Variants in COL4A4 observed in about 807,000 individuals in gnomAD.
COL4A4 encodes the protein collagen alpha-4(IV) chain.
Under a neutral mutation model 192.9 loss-of-function variants are expected in COL4A4, and 105 were observed. The ratio of observed to expected loss-of-function variants is 0.54; its 90% confidence interval spans 0.46 to 0.64. The LOEUF (loss-of-function observed/expected upper bound fraction) is 0.64. Among genes scored for constraint, COL4A4 ranks in the 30% least tolerant of loss-of-function variants. The pLI is 0.00. For synonymous variants in COL4A4, 762 were observed against 769.9 expected (o/e 0.99, Z 0.17); for missense variants, 1,967 against 2,169.3 (o/e 0.91, Z 1.85).
chr2:227,047,342 C>A lies in COL4A4; in HGVS notation c.3289+133G>T, dbSNP rs1576097370. On this transcript the variant is annotated intron_variant, in intron 35 of 47. Coordinates refer to ENST00000396625, the MANE Select transcript of COL4A4 (RefSeq NM_000092.5). ...TGCTATGGAAGTGTTTATATATAAC[C>A]CGTTTTATCTATACCTTAATGCACA... is the stretch of plus-strand genomic sequence containing the variant. 1.7e-5 allele frequency: 12 copies of A among 714,832 alleles called. No individual in the cohort carries two copies. The East Asian group carries it at 3.3e-4, about 19-fold the overall frequency. 44.3% of individuals were successfully genotyped at this position (714,832 alleles called of 1,614,324 possible). A position where few individuals can be genotyped will look rare whatever the true frequency, so the allele number is the denominator to read the frequency against.
In COL4A4 at chr2:227,147,555, AG is replaced by A; in HGVS notation, c.-73del. The A allele has an allele frequency of 7.3e-7, 1 of 1,366,616 alleles. No individual in the cohort carries two copies. The highest frequency in any genetic ancestry group is 1.2e-5 in the South Asian group (1 of 86,176). The allele number at this position is 1,366,616 out of a possible 1,614,324, so 84.7% of individuals were successfully genotyped here. ...TCCAGAAGGTTCTTGTTGACAAGTG[AG>A]GTTCTGTGTTCTGGGTCAAAGTCTG... On this transcript the variant is annotated 5_prime_UTR_variant, in exon 2 of 48. Transcript: ENST00000396625.
chr2:227,112,872 GT>G (rs2061296965), intron 8 of COL4A4, among the ~76,000 whole-genome samples: 1 of 152,156 alleles, frequency 6.6e-6, no homozygotes, highest in Non-Finnish European at 1.5e-5. Flanking sequence ...GTTCATCCAT[GT>G]TGTTGTATGT....
intron 24 of COL4A4, among the ~76,000 whole-genome samples, chr2:227,078,778 C>A (rs1392425479): frequency 6.6e-6 from 1 of 152,214 alleles, no homozygotes; most frequent in Non-Finnish European, 1.5e-5. Flanking sequence ...ACTCCATCAT[C>A]CTCCACCCCT....
intron 2 of COL4A4, chr2:227,147,156 T>C (rs2063598844): frequency 1.7e-6 from 1 of 595,406 alleles, no homozygotes; most frequent in Non-Finnish European, 3.2e-6. Flanking sequence ...TCAAACCTAG[T>C]GAGTAAGCGA....
chr2:227,081,999 T>C, intron 23 of COL4A4, 116 bp downstream of exon 23: 2 of 947,410 alleles, frequency 2.1e-6, no homozygotes, highest in Non-Finnish European at 3.5e-6. Flanking sequence ...TTAAGTAATC[T>C]CAACCATCCT....
At chr2:227,052,074 C>T (rs1974237697) in intron 32 of COL4A4, among the ~76,000 whole-genome samples, 2 of 152,018 alleles carry the variant, frequency 1.3e-5, no homozygotes, top group Admixed American at 1.3e-4. Context: ...GCCTGTAATT[C>T]CAGCTACTCG....
At chr2:226,985,477 C>G in the COL4A4 span, among the ~76,000 whole-genome samples, 1 of 152,242 alleles carries the variant, frequency 6.6e-6, no homozygotes, top group Non-Finnish European at 1.5e-5. Context: ...GGAATTTGTC[C>G]TAGTTTTCTT....
At position 227,003,043 on chromosome 2, in the gene COL4A4, A is replaced by ATTGT. The variant is rs1348888876; in HGVS notation, c.*4278_*4281dup. 6.6e-6 allele frequency: 1 copy of ATTGT among 152,570 alleles called. No homozygotes were observed. Among genetic ancestry groups the ATTGT allele is most frequent in the African/African-American group, 2.4e-5 (1 of 41,430 alleles). The allele number at this position is 152,570 out of a possible 1,614,324, so 9.5% of individuals were successfully genotyped here. Reference sequence around the variant, plus strand: ...TGCAGAGTACTGATTTTTAATGTCAATTGTTTGTTCCCTGCAGAACTTACT... The same window carrying ATTGT: ...TGCAGAGTACTGATTTTTAATGTCAATTGTTTGTTTGTTCCCTGCAGAACTTACT... On this transcript the variant is annotated 3_prime_UTR_variant, in exon 48 of 48. Coordinates refer to ENST00000396625, the MANE Select transcript of COL4A4 (RefSeq NM_000092.5).
intron 35 of COL4A4, among the ~76,000 whole-genome samples, chr2:227,046,818 T>C (rs1158653779): frequency 2.0e-5 from 3 of 152,022 alleles, no homozygotes; most frequent in African/African-American, 7.3e-5. Flanking sequence ...GGTCATCTAA[T>C]GTAGCCAGTT....
intron 37 of COL4A4, among the ~76,000 whole-genome samples, chr2:227,034,292 TG>T (rs1277184052): frequency 6.6e-6 from 1 of 152,200 alleles, no homozygotes; most frequent in Non-Finnish European, 1.5e-5. Flanking sequence ...GTGTTGAAGT[TG>T]TCTGAACGAG....
chr2:227,132,223 G>C (rs1487751443), intron 4 of COL4A4, among the ~76,000 whole-genome samples: 2 of 152,126 alleles, frequency 1.3e-5, no homozygotes, highest in African/African-American at 4.8e-5. Flanking sequence ...AAGGATTTTT[G>C]TCTCATCTTT....
chr2:227,001,364 T>C (rs1395165025), downstream of COL4A4, among the ~76,000 whole-genome samples: 4 of 145,884 alleles, frequency 2.7e-5, no homozygotes, highest in East Asian at 2.0e-4. Context: ...TGGTTTTCAG[T>C]TGACCCTGAG....
At chr2:227,045,668 C>G (rs1972339639) in intron 35 of COL4A4, among the ~76,000 whole-genome samples, 1 of 148,876 alleles carries the variant, frequency 6.7e-6, no homozygotes, top group African/African-American at 2.5e-5. Context: ...ACTTGGGAGG[C>G]TAAGGTGGGA....
chr2:227,075,586 G>A (rs1460093468), intron 25 of COL4A4, among the ~76,000 whole-genome samples: 1 of 152,144 alleles, frequency 6.6e-6, no homozygotes, highest in Non-Finnish European at 1.5e-5. Context: ...CACAAGACAA[G>A]GATGCCCTCT....
At chr2:227,118,851 T>G in intron 6 of COL4A4, 90 bp from the exon 7 acceptor site, 1 of 837,982 alleles carries the variant, frequency 1.2e-6, no homozygotes, top group Non-Finnish European at 2.0e-6. Flanking sequence ...TTATGGCAAT[T>G]GTGATTCACA....
intron 25 of COL4A4, among the ~76,000 whole-genome samples, chr2:227,076,833 A>G (rs1185233853): frequency 1.3e-5 from 2 of 152,234 alleles, no homozygotes; most frequent in Non-Finnish European, 2.9e-5. Flanking sequence ...AAGGATATGA[A>G]CAGATATCCT....
rs532962885 is a variant in COL4A4 at position 227,077,878 on chromosome 2, A to G, written c.1987+16T>C. ...CCCCAAAGCTATTGAAATAAATAAAATTTTTTTAAAATTACCTTTCTGACC... is the reference window on the plus strand; with the variant it reads ...CCCCAAAGCTATTGAAATAAATAAAGTTTTTTTAAAATTACCTTTCTGACC... On this transcript the variant is annotated intron_variant, in intron 25 of 47. Coordinates refer to ENST00000396625, the MANE Select transcript of COL4A4 (RefSeq NM_000092.5). The G allele has an allele frequency of 1.2e-6, 2 of 1,606,882 alleles. No homozygotes were observed. Among genetic ancestry groups the G allele is most frequent in the Non-Finnish European group, 1.7e-6 (2 of 1,177,036 alleles).
intron 4 of COL4A4, among the ~76,000 whole-genome samples, chr2:227,128,131 C>T (rs533242548): frequency 6.6e-6 from 1 of 152,246 alleles, no homozygotes; most frequent in South Asian, 2.1e-4. Context: ...CTTATTCAGG[C>T]TCTCACACCT....
chr2:227,125,370 G>A (rs1033874472), intron 4 of COL4A4, among the ~76,000 whole-genome samples: 8 of 151,786 alleles, frequency 5.3e-5, no homozygotes, highest in Non-Finnish European at 1.0e-4. Flanking sequence ...CATCACACCC[G>A]TCTAAATTTT....
Sources: allele counts gnomAD v4.1 joint callset (sites outside exome capture counted in the v4.1 genomes callset), GRCh38; gene constraint gnomAD v4.1.1; transcripts MANE v1.5; gene names NCBI Gene and HGNC (gene_info 2026-07-23, HGNC 2026-07-21).